The following SSH1 variants were observed in gnomAD, a reference collection of about 807,000 sequenced individuals.
The protein encoded by SSH1 is slingshot protein phosphatase 1.
A neutral mutation model predicts 79.7 loss-of-function variants in SSH1; 43 were observed. That is an observed-to-expected ratio of 0.54 (90% CI 0.42 to 0.70). The LOEUF is 0.70. Ranked by LOEUF, SSH1 falls within the 30% of genes least tolerant of loss-of-function variation. The pLI is 0.00. For missense variants in SSH1, 1,206 were observed against 1,358.8 expected (o/e 0.89, Z 1.77); for synonymous variants, 599 against 538.3 (o/e 1.11, Z -1.56).
chr12:108,807,118 A>G lies in SSH1; in HGVS notation c.731+515T>C, dbSNP rs561922416. On this transcript the variant is annotated intron_variant, in intron 8 of 14. Coordinates refer to ENST00000326495, the MANE Select transcript of SSH1 (RefSeq NM_018984.4). The surrounding 1 kb of genome is among the most constrained non-coding windows in gnomAD (Gnocchi z 5.2). Reference sequence around the variant, plus strand: ...AGACTTCAGCGAGTGTGGCCTCTCCATGTCAGCGCTGTCGTAGGTCACACG... The same window carrying G: ...AGACTTCAGCGAGTGTGGCCTCTCCGTGTCAGCGCTGTCGTAGGTCACACG... Among the ~76,000 whole-genome samples, 1 of 152,286 alleles carries G rather than the reference A, an allele frequency of 6.6e-6. No homozygotes were observed. Among genetic ancestry groups the G allele is most frequent in the East Asian group, 1.9e-4 (1 of 5,152 alleles).
rs1008851227 is a variant in SSH1, at chr12:108,784,307, G to A, written c.*3681C>T. 2.6e-5 allele frequency: 4 copies of A among 152,452 alleles called. No homozygotes were observed. The highest frequency in any genetic ancestry group is 4.4e-5 in the Non-Finnish European group (3 of 68,238). 9.4% of individuals were successfully genotyped at this position (152,452 alleles called of 1,614,324 possible). A position where few individuals can be genotyped will look rare whatever the true frequency, so the allele number is the denominator to read the frequency against. ...CTGCAAACTCTGGACTTCTCCAGGG[G>A]AAAAGGGCTTTAGATTACTGGAATG... is the stretch of plus-strand genomic sequence containing the variant. On this transcript the variant is annotated 3_prime_UTR_variant, in exon 15 of 15. Transcript: ENST00000326495.
chr12:108,783,574 G>A lies in SSH1; in HGVS notation c.*4414C>T, dbSNP rs571580204. 4.6e-5 allele frequency: 7 copies of A among 152,252 alleles called. No homozygotes were observed. In the South Asian group the frequency reaches 1.0e-3, roughly 23 times the overall value. The allele number at this position is 152,252 out of a possible 1,614,324, so 9.4% of individuals were successfully genotyped here. On this transcript the variant is annotated 3_prime_UTR_variant, in exon 15 of 15. Transcript: ENST00000326495. ...CCTGTCTGAGACAGTGACTGAAGCC[G>A]GGGCCCCAGCACCTATGGCCAAACA...
chr12:108,826,205 G>GA (rs201496495), intron 2 of SSH1: 108 of 426,298 alleles, frequency 2.5e-4, no homozygotes, highest in Admixed American at 9.2e-4. Flanking sequence ...ATTTCCTTTG[G>GA]AAAAAAAAAG....
rs867485827 is a variant in SSH1 at position 108,835,956 on chromosome 12, C to T, written c.111-12595G>A. ...TCAATTATAACTATATTAATATAATCGATTATAACTATATTAATATAATCG... is the reference window on the plus strand; with the variant it reads ...TCAATTATAACTATATTAATATAATTGATTATAACTATATTAATATAATCG... On this transcript the variant is annotated intron_variant, in intron 2 of 14. Transcript: ENST00000326495. Among the ~76,000 whole-genome samples, 119 of 100,742 alleles carry T rather than the reference C, an allele frequency of 1.2e-3. 7 individuals are homozygous for T. Among genetic ancestry groups the T allele is most frequent in the African/African-American group, 3.8e-3 (88 of 23,178 alleles). 66.1% of individuals were successfully genotyped at this position (100,742 alleles called of 152,430 possible).
rs142290309 is a variant in SSH1 at position 108,832,422 on chromosome 12, G to A, written c.111-9061C>T. 3.8e-3 allele frequency among the ~76,000 whole-genome samples: 573 copies of A among 151,628 alleles called. 1 individual carries two copies. The highest frequency in any genetic ancestry group is 6.3e-3 in the Non-Finnish European group (425 of 67,968). Reference sequence around the variant, plus strand: ...TAAGAGGTAGAATGGGGCTGAAAAAGTTCGGTGCTCTTCCTGAAGAATCCA... The same window carrying A: ...TAAGAGGTAGAATGGGGCTGAAAAAATTCGGTGCTCTTCCTGAAGAATCCA... On this transcript the variant is annotated intron_variant, in intron 2 of 14. Coordinates refer to ENST00000326495, the MANE Select transcript of SSH1 (RefSeq NM_018984.4).
At chr12:108,835,943 A>ATATTAATATAATCAATTATAAC (rs2038603914) in intron 2 of SSH1, among the ~76,000 whole-genome samples, 3 of 141,386 alleles carry the variant, frequency 2.1e-5, no homozygotes, top group Non-Finnish European at 4.8e-5. Context: ...AATTATAACT[A>ATATTAATATAATCAATTATAAC]TATTAATATA....
chr12:108,839,414 C>T (rs1473912231), intron 2 of SSH1, among the ~76,000 whole-genome samples: 1 of 152,194 alleles, frequency 6.6e-6, no homozygotes, highest in East Asian at 1.9e-4. Context: ...GGCCTGGCCA[C>T]TGGGGAAGTG....
intron 7 of SSH1, among the ~76,000 whole-genome samples, chr12:108,808,943 C>G (rs907860511): frequency 2.1e-5 from 3 of 146,024 alleles, no homozygotes; most frequent in Non-Finnish European, 4.5e-5. Context: ...AACTAATTCT[C>G]TTGCCTCAGC....
rs61739303 is a variant in SSH1 at position 108,788,256 on chromosome 12, C to T, written c.2882G>A (p.Arg961Gln). 1.4e-5 allele frequency: 22 copies of T among 1,613,786 alleles called. No homozygotes were observed. The highest frequency in any genetic ancestry group is 9.9e-5 in the South Asian group (9 of 91,068). ...GACGGTGAGGCCCGCCAGCCGGAGC[C>T]GGGTCTCAATCTCCTGTGTCCGCTG... ...VKQRTQEIET[R>Q]LRLAGLTVSS... The change falls in exon 15 of 15, where the codon CGG (arginine) becomes CAG (glutamine). Residue 961 changes from arginine to glutamine, a missense_variant. Arg to Gln is a conservative substitution (Grantham distance 43, BLOSUM62 1). This residue lies in a region of SSH1 where 709 missense variants were observed against 730.6 expected (regional missense o/e 0.97). Transcript: ENST00000326495.
At chr12:108,825,320 T>C (rs1177207165) in intron 2 of SSH1, among the ~76,000 whole-genome samples, 2 of 152,216 alleles carry the variant, frequency 1.3e-5, no homozygotes, top group Admixed American at 1.3e-4. Flanking sequence ...CTAATGTTAG[T>C]AGTTAAACGT....
chr12:108,840,631 T>G (rs2038754243), intron 2 of SSH1, among the ~76,000 whole-genome samples: 1 of 152,246 alleles, frequency 6.6e-6, no homozygotes, highest in African/African-American at 2.4e-5. Flanking sequence ...TGAAGCAGCA[T>G]GACCCATCTG....
intron 2 of SSH1, among the ~76,000 whole-genome samples, chr12:108,841,460 C>A (rs1162856752): frequency 6.6e-6 from 1 of 152,196 alleles, no homozygotes. Context: ...AGAATTAACT[C>A]TTCACGTCTC....
chr12:108,790,877 C>A (rs2036471692), intron 14 of SSH1, among the ~76,000 whole-genome samples: 1 of 152,138 alleles, frequency 6.6e-6, no homozygotes, highest in Admixed American at 6.6e-5. Flanking sequence ...AAGTGGAGAC[C>A]AGGCTGCACG....
chr12:108,792,083 C>T (rs1199802148), intron 14 of SSH1: 35 of 1,461,616 alleles, frequency 2.4e-5, no homozygotes, highest in Admixed American at 8.1e-5. Context: ...GTATGCACTA[C>T]GTACCCACCA....
At chr12:108,811,524 C>A in intron 5 of SSH1, 196 bp from the exon 6 acceptor site, 2 of 638,422 alleles carry the variant, frequency 3.1e-6, no homozygotes, top group Non-Finnish European at 5.8e-6. Context: ...TCCGTAAGTG[C>A]TCAGCTGAGG....
chr12:108,780,366 G>A lies in SSH1; in HGVS notation c.*7622C>T, dbSNP rs2036134574. On this transcript the variant is annotated 3_prime_UTR_variant, in exon 15 of 15. Transcript: ENST00000326495. ...TGAGGAGGAAATCAGGGCAAAAGCA[G>A]CCCATTACAGGAATATTGTCCTAGG... is the stretch of plus-strand genomic sequence containing the variant. The A allele has an allele frequency of 6.6e-6, 1 of 152,232 alleles. No individual in the cohort carries two copies. The highest frequency in any genetic ancestry group is 2.1e-4 in the South Asian group (1 of 4,836). 9.4% of individuals were successfully genotyped at this position (152,232 alleles called of 1,614,324 possible).
At position 108,827,793 on chromosome 12, in the gene SSH1, A is replaced by G. The variant is rs142883765; in HGVS notation, c.111-4432T>C. Among the ~76,000 whole-genome samples the G allele has an allele frequency of 2.1e-4, 32 of 152,324 alleles. No individual in the cohort carries two copies. The East Asian group carries it at 5.2e-3, about 25-fold the overall frequency. On this transcript the variant is annotated intron_variant, in intron 2 of 14. Coordinates refer to ENST00000326495, the MANE Select transcript of SSH1 (RefSeq NM_018984.4). ...CTTTCTTTCAAATCAGCATCCATTT[A>G]CCCAACGGTGACGGTGACGTGGGCA... is the stretch of plus-strand genomic sequence containing the variant.
intron 2 of SSH1, among the ~76,000 whole-genome samples, chr12:108,846,299 A>T (rs1041124211): frequency 6.9e-6 from 1 of 145,648 alleles, no homozygotes; most frequent in African/African-American, 2.5e-5. Context: ...ATGCTGGATT[A>T]AAAAAAAAAA....
intron 2 of SSH1, among the ~76,000 whole-genome samples, chr12:108,839,522 AAC>A: frequency 6.6e-6 from 1 of 152,284 alleles, no homozygotes; most frequent in South Asian, 2.1e-4. Flanking sequence ...GATTTGGGGA[AAC>A]ACGCCTCGAG....
Sources: gnomAD v4.1 joint callset for allele counts (sites outside exome capture counted in the v4.1 genomes callset) on GRCh38, gnomAD v4.1.1 for gene constraint, gnomAD v4.1.1 regional missense constraint, Gnocchi (gnomAD v3.1) non-coding constraint, MANE v1.5 for transcripts, NCBI Gene and HGNC (gene_info 2026-07-23, HGNC 2026-07-21) for gene names.